The following DNAAF9 variants were observed in gnomAD, a reference collection of about 807,000 sequenced individuals.
The protein encoded by DNAAF9 is dynein axonemal assembly factor 9, also known as shulin.
In DNAAF9, 90 loss-of-function variants were observed where a neutral mutation model predicts 167.0. The ratio of observed to expected loss-of-function variants is 0.54; its 90% CI spans 0.45 to 0.64. The LOEUF (loss-of-function observed/expected upper bound fraction) is 0.64, where lower values mean the gene tolerates loss of function less well. Ranked by LOEUF, DNAAF9 falls within the 30% of genes least tolerant of loss-of-function variation. The pLI is 0.00. For synonymous variants in DNAAF9, 491 were observed against 508.8 expected, an observed-to-expected ratio of 0.96 and a Z score of 0.47; for missense variants, 1,315 against 1,442.2, an observed-to-expected ratio of 0.91 and a Z score of 1.43.
At chr20:3,318,865 GC>G (rs1340439852) in intron 16 of DNAAF9, among the ~76,000 whole-genome samples, 2 of 151,926 alleles carry the variant, frequency 1.3e-5, no homozygotes, top group Non-Finnish European at 2.9e-5. Flanking sequence ...GATCACTTGA[GC>G]CCAGGAGTTT....
chr20:3,330,817 A>G lies in DNAAF9; in HGVS notation c.1064-135T>C, dbSNP rs117032659. ...TTTTTTTTTTTTTTTTTTGAGACAC[A>G]GTTTAGCTTTGTCGCCCAGGCTGGA... is the stretch of plus-strand genomic sequence containing the variant. On this transcript the variant is annotated intron_variant, in intron 11 of 36. Coordinates refer to ENST00000252032, the MANE Select transcript of DNAAF9 (RefSeq NM_001009984.3). 2.4e-3 allele frequency: 1,369 copies of G among 565,574 alleles called. 37 individuals carry two copies. In the East Asian group the frequency reaches 0.041, roughly 17 times the overall value. The allele number at this position is 565,574 out of a possible 1,614,324, so 35.0% of individuals were successfully genotyped here.
chr20:3,316,866 A>G, intron 17 of DNAAF9, 73 bp from the exon 18 acceptor site: 1 of 894,048 alleles, frequency 1.1e-6, no homozygotes, highest in Non-Finnish European at 1.8e-6. Context: ...CAGACCCTAA[A>G]TGCCCTTCTC....
At chr20:3,282,628 C>A (rs2122866581) in intron 27 of DNAAF9, among the ~76,000 whole-genome samples, 1 of 152,326 alleles carries the variant, frequency 6.6e-6, no homozygotes, top group South Asian at 2.1e-4. Flanking sequence ...TCCCAGGCAG[C>A]CCTCTATGAT....
chr20:3,380,668 T>A (rs1281630295), intron 3 of DNAAF9, among the ~76,000 whole-genome samples: 6 of 152,356 alleles, frequency 3.9e-5, no homozygotes, highest in African/African-American at 1.4e-4. Flanking sequence ...CAGATGTTTG[T>A]TTTCATGCCT....
intron 10 of DNAAF9, 27 bp downstream of exon 10, chr20:3,340,477 C>A: frequency 1.7e-6 from 1 of 599,506 alleles, no homozygotes; most frequent in Admixed American, 3.1e-5. Context: ...TAAAACTAAT[C>A]AAGCACCAGG....
intron 1 of DNAAF9, among the ~76,000 whole-genome samples, chr20:3,383,061 C>T (rs2083682984): frequency 1.3e-5 from 2 of 152,044 alleles, no homozygotes; most frequent in South Asian, 4.1e-4. Context: ...ATTCCTTCAG[C>T]CCTAGGGACA....
chr20:3,255,346 G>A (rs186988195), intron 34 of DNAAF9, 62 bp from the exon 35 acceptor site: 3 of 1,037,806 alleles, frequency 2.9e-6, no homozygotes, highest in African/African-American at 1.6e-5. Context: ...ATGGGCAGGG[G>A]AGGGCTCTGG....
chr20:3,316,816 C>T (rs752911938), intron 17 of DNAAF9, 23 bp from the exon 18 acceptor site: 3 of 1,589,644 alleles, frequency 1.9e-6, no homozygotes, highest in Admixed American at 3.3e-5. Context: ...CACACACATG[C>T]CAGTTAATTC....
At chr20:3,385,016 T>TA (rs955856954) in intron 1 of DNAAF9, among the ~76,000 whole-genome samples, 5 of 151,472 alleles carry the variant, frequency 3.3e-5, no homozygotes, top group African/African-American at 9.7e-5. Context: ...ATGCATCAAT[T>TA]AAAAAAACAG....
intron 7 of DNAAF9, among the ~76,000 whole-genome samples, chr20:3,352,421 C>T (rs1191317725): frequency 6.6e-6 from 1 of 152,196 alleles, no homozygotes; most frequent in Non-Finnish European, 1.5e-5. Flanking sequence ...GATAAATACA[C>T]TTCTAGCGCT....
intron 20 of DNAAF9, among the ~76,000 whole-genome samples, chr20:3,310,598 T>C (rs2069397132): frequency 6.6e-6 from 1 of 151,868 alleles, no homozygotes; most frequent in African/African-American, 2.4e-5. Context: ...GGCATGAGAA[T>C]TGCTTGAACC....
intron 1 of DNAAF9, among the ~76,000 whole-genome samples, chr20:3,405,886 G>C (rs2084047896): frequency 6.6e-6 from 1 of 152,196 alleles, no homozygotes; most frequent in Non-Finnish European, 1.5e-5. Flanking sequence ...CCTATGCAAT[G>C]TCTATACAAG....
intron 10 of DNAAF9, among the ~76,000 whole-genome samples, chr20:3,336,375 T>C (rs1490212989): frequency 1.3e-5 from 2 of 151,054 alleles, no homozygotes; most frequent in Non-Finnish European, 2.9e-5. Flanking sequence ...ATATTTGGAT[T>C]TTTTGTGAGA....
At chr20:3,344,509 A>G (rs2070151965) in intron 8 of DNAAF9, among the ~76,000 whole-genome samples, 1 of 152,030 alleles carries the variant, frequency 6.6e-6, no homozygotes, top group Admixed American at 6.6e-5. Flanking sequence ...TGATTGCACT[A>G]AACTTTATTA....
chr20:3,310,319 AG>A (rs1256767325), intron 20 of DNAAF9, among the ~76,000 whole-genome samples: 1 of 129,882 alleles, frequency 7.7e-6, no homozygotes, highest in African/African-American at 2.9e-5. Context: ...AAAGAAAGAA[AG>A]GAAAGAGAAA....
chr20:3,308,566 A>C (rs2069346419), intron 20 of DNAAF9, among the ~76,000 whole-genome samples: 1 of 150,984 alleles, frequency 6.6e-6, no homozygotes, highest in African/African-American at 2.4e-5. Flanking sequence ...CTAGTCTCGA[A>C]CTCCTGACCT....
intron 6 of DNAAF9, among the ~76,000 whole-genome samples, chr20:3,366,582 G>A (rs2083435308): frequency 6.6e-6 from 1 of 152,134 alleles, no homozygotes; most frequent in South Asian, 2.1e-4. Flanking sequence ...CCCCTAACAA[G>A]AGAGTCAGGC....
intron 27 of DNAAF9, among the ~76,000 whole-genome samples, chr20:3,285,087 A>G (rs1291928808): frequency 6.6e-6 from 1 of 152,178 alleles, no homozygotes; most frequent in Non-Finnish European, 1.5e-5. Flanking sequence ...GTCATTTTAA[A>G]ATACATAAAT....
chr20:3,334,249 C>T (rs1014546437), intron 10 of DNAAF9, among the ~76,000 whole-genome samples: 1 of 152,238 alleles, frequency 6.6e-6, no homozygotes, highest in Non-Finnish European at 1.5e-5. Context: ...ATCTAACCCA[C>T]TGCCGCCTCA....
Sources: allele counts gnomAD v4.1 joint callset (sites outside exome capture counted in the v4.1 genomes callset), GRCh38; gene constraint gnomAD v4.1.1; transcripts MANE v1.5; gene names NCBI Gene and HGNC (gene_info 2026-07-23, HGNC 2026-07-21).